The following SLC44A5 variants were observed in gnomAD, a reference collection of about 807,000 sequenced individuals.
SLC44A5 encodes solute carrier family 44 member 5, also known as choline transporter-like protein 5.
In SLC44A5, 57 loss-of-function variants were observed where a neutral mutation model predicts 101.8. That is an observed-to-expected ratio of 0.56 (90% CI 0.45 to 0.70). The LOEUF (loss-of-function observed/expected upper bound fraction) is 0.70, where lower values mean the gene tolerates loss of function less well. Ranked by LOEUF, SLC44A5 falls within the 30% of genes least tolerant of loss-of-function variation. The pLI is 0.00. For synonymous variants in SLC44A5, 281 were observed against 290.9 expected (o/e 0.97, Z 0.35); for missense variants, 737 against 853.1 (o/e 0.86, Z 1.70).
intron 2 of SLC44A5, among the ~76,000 whole-genome samples, chr1:75,428,429 C>A (rs184517216): frequency 1.4e-4 from 22 of 152,244 alleles, no homozygotes; most frequent in African/African-American, 4.3e-4. Context: ...GGGAGTACGT[C>A]CTATTAATTT....
the SLC44A5 span, among the ~76,000 whole-genome samples, chr1:75,695,619 A>G: frequency 6.6e-6 from 1 of 151,524 alleles, no homozygotes; most frequent in Admixed American, 6.6e-5. Flanking sequence ...TTAGTAGTTT[A>G]CTAAATTTGT....
intron 2 of SLC44A5, among the ~76,000 whole-genome samples, chr1:75,475,680 G>C (rs1667347089): frequency 6.6e-6 from 1 of 152,074 alleles, no homozygotes; most frequent in African/African-American, 2.4e-5. Context: ...ACCCATAATG[G>C]AAACATTACA....
intron 3 of SLC44A5, among the ~76,000 whole-genome samples, chr1:75,372,132 A>T (rs1380794509): frequency 1.3e-5 from 2 of 149,654 alleles, no homozygotes; most frequent in Non-Finnish European, 3.0e-5. Context: ...GGGAGGCAGA[A>T]GCTGCAGTGA....
At chr1:75,402,677 T>C (rs970976272) in intron 2 of SLC44A5, among the ~76,000 whole-genome samples, 1 of 152,194 alleles carries the variant, frequency 6.6e-6, no homozygotes. Context: ...ACTTTTCCCA[T>C]GGTCTTCACA....
At chr1:75,696,005 T>G in the SLC44A5 span, among the ~76,000 whole-genome samples, 1 of 151,968 alleles carries the variant, frequency 6.6e-6, no homozygotes, top group South Asian at 2.1e-4. Flanking sequence ...CACACTTAAA[T>G]GTTACTCATA....
At chr1:75,301,812 G>A (rs1428158235) in intron 4 of SLC44A5, among the ~76,000 whole-genome samples, 2 of 152,088 alleles carry the variant, frequency 1.3e-5, no homozygotes. Flanking sequence ...TTAAAGAAGG[G>A]GGCAAATATC....
chr1:75,309,785 T>G (rs1334185580), intron 4 of SLC44A5, among the ~76,000 whole-genome samples: 1 of 152,224 alleles, frequency 6.6e-6, no homozygotes, highest in Non-Finnish European at 1.5e-5. Context: ...TTAGACAATA[T>G]TTTGTAGACA....
chr1:75,361,284 T>G (rs1659472599), intron 3 of SLC44A5, among the ~76,000 whole-genome samples: 1 of 152,110 alleles, frequency 6.6e-6, no homozygotes, highest in South Asian at 2.1e-4. Context: ...TCTTTTCCTA[T>G]TAGGATGCCT....
chr1:75,281,060 C>G (rs1184399536), intron 5 of SLC44A5, among the ~76,000 whole-genome samples: 2 of 152,014 alleles, frequency 1.3e-5, no homozygotes, highest in African/African-American at 4.8e-5. Context: ...CAGAAGAAGA[C>G]AGGAAAATGT....
chr1:75,283,353 T>A (rs1166649430), intron 5 of SLC44A5, among the ~76,000 whole-genome samples: 1 of 152,172 alleles, frequency 6.6e-6, no homozygotes, highest in African/African-American at 2.4e-5. Context: ...TTCTTTGGTG[T>A]TTTTCTTTCT....
At chr1:75,531,497 A>G (rs1444688633) in intron 2 of SLC44A5, among the ~76,000 whole-genome samples, 9 of 152,176 alleles carry the variant, frequency 5.9e-5, no homozygotes, top group Non-Finnish European at 1.3e-4. Flanking sequence ...TGTGTTTCTT[A>G]AACTTCTACA....
rs1180731850 is a variant in SLC44A5 at position 75,479,159 on chromosome 1, C to A, written c.13+62276G>T. On this transcript the variant is annotated intron_variant, in intron 2 of 23. Coordinates refer to ENST00000370859, the MANE Select transcript of SLC44A5 (RefSeq NM_001130058.2). ...CCTGCTCCTGAATGACTACTGGGTA[C>A]ATAACGAAATGAAGGCAGAAATAAA... is the stretch of plus-strand genomic sequence containing the variant. Among the ~76,000 whole-genome samples, 5 of 152,212 alleles carry A rather than the reference C, an allele frequency of 3.3e-5. No homozygotes were observed. In the East Asian group the frequency reaches 5.8e-4, roughly 18 times the overall value.
the SLC44A5 span, among the ~76,000 whole-genome samples, chr1:75,671,692 G>T: frequency 7.9e-5 from 12 of 152,176 alleles, no homozygotes; most frequent in Admixed American, 6.6e-4. Flanking sequence ...AAAGAGAATT[G>T]ATAGTGATGA....
intron 3 of SLC44A5, among the ~76,000 whole-genome samples, chr1:75,389,664 G>T (rs1190410512): frequency 6.6e-6 from 1 of 152,186 alleles, no homozygotes; most frequent in African/African-American, 2.4e-5. Flanking sequence ...AGCAAAAGCA[G>T]TGTTAAGAGG....
At chr1:75,560,210 T>G (rs549888208) in intron 1 of SLC44A5, among the ~76,000 whole-genome samples, 1 of 152,210 alleles carries the variant, frequency 6.6e-6, no homozygotes, top group Admixed American at 6.5e-5. Flanking sequence ...AAAATATATA[T>G]CCATAGAAAA....
intron 5 of SLC44A5, among the ~76,000 whole-genome samples, chr1:75,294,603 G>C (rs923561914): frequency 1.5e-4 from 23 of 152,004 alleles, no homozygotes; most frequent in African/African-American, 5.6e-4. Flanking sequence ...TAGTTGAATG[G>C]ATTAAGAAAT....
chr1:75,279,158 G>A (rs1652176715), intron 5 of SLC44A5, among the ~76,000 whole-genome samples: 1 of 151,874 alleles, frequency 6.6e-6, no homozygotes, highest in Non-Finnish European at 1.5e-5. Context: ...TCCTTTGAAT[G>A]GCATATTTGT....
intron 2 of SLC44A5, among the ~76,000 whole-genome samples, chr1:75,419,320 T>C (rs1203982347): frequency 6.6e-6 from 1 of 151,566 alleles, no homozygotes; most frequent in African/African-American, 2.4e-5. Context: ...TATAATCAAA[T>C]TGATGAAAAA....
intron 3 of SLC44A5, among the ~76,000 whole-genome samples, chr1:75,352,305 CGGG>C (rs1658740610): frequency 6.6e-6 from 1 of 151,932 alleles, no homozygotes; most frequent in Admixed American, 6.6e-5. Context: ...ACCCATCACC[CGGG>C]TATTAAGTCC....
Sources: gnomAD v4.1 joint callset for allele counts (sites outside exome capture counted in the v4.1 genomes callset) on GRCh38, gnomAD v4.1.1 for gene constraint, MANE v1.5 for transcripts, NCBI Gene and HGNC (gene_info 2026-07-23, HGNC 2026-07-21) for gene names.